ZMYM4: variants seen among roughly 807,000 people sequenced by gnomAD.
The protein encoded by ZMYM4 is zinc finger MYM-type containing 4, also known as zinc finger MYM-type protein 4.
ZMYM4 carries 31 observed loss-of-function variants against 183.2 expected under a neutral mutation model. The observed-to-expected ratio is 0.17, with a 90% CI of 0.13 to 0.23. The LOEUF (loss-of-function observed/expected upper bound fraction) is 0.23, where lower values mean the gene tolerates loss of function less well. ZMYM4 is among the 10% of genes least tolerant of loss of function. The pLI, the probability that ZMYM4 is intolerant of heterozygous loss-of-function variation, is 1.00. For missense variants in ZMYM4, 1,273 were observed against 1,840.3 expected, an observed-to-expected ratio of 0.69 and a Z score of 5.64; for synonymous variants, 592 against 631.2, an observed-to-expected ratio of 0.94 and a Z score of 0.93.
In ZMYM4 at chr1:35,387,297, A is replaced by C. The variant is rs753703314; in HGVS notation, c.2112+19A>C. The C allele has an allele frequency of 6.2e-7, 1 of 1,608,718 alleles. No homozygotes were observed. Among genetic ancestry groups the C allele is most frequent in the Non-Finnish European group, 8.5e-7 (1 of 1,175,608 alleles). ...CTATAAGGTAAAGTATAGCATGTTC[A>C]TGATAAGATTTTGAGTATACGTGGG... On this transcript the variant is annotated intron_variant, in intron 12 of 29. Coordinates refer to ENST00000314607, the MANE Select transcript of ZMYM4 (RefSeq NM_005095.3).
At chr1:35,334,285 C>T (rs1279463714) in intron 2 of ZMYM4, among the ~76,000 whole-genome samples, 5 of 152,118 alleles carry the variant, frequency 3.3e-5, no homozygotes, top group Admixed American at 6.5e-5. Context: ...TGCCACTGCA[C>T]GCCAGCCTGG....
At chr1:35,322,850 C>T (rs181128390) in intron 1 of ZMYM4, among the ~76,000 whole-genome samples, 90 of 151,820 alleles carry the variant, frequency 5.9e-4, no homozygotes, top group African/African-American at 2.0e-3. Flanking sequence ...CCACCATGCC[C>T]GGCTAATTTT....
chr1:35,388,796 A>G, intron 13 of ZMYM4, 114 bp from the exon 14 acceptor site: 1 of 953,128 alleles, frequency 1.0e-6, no homozygotes, highest in African/African-American at 1.7e-5. Context: ...CCAGCCTCCC[A>G]AAGTGTTGGG....
intron 1 of ZMYM4, among the ~76,000 whole-genome samples, chr1:35,278,490 A>C (rs1257604593): frequency 6.7e-6 from 1 of 149,872 alleles, no homozygotes; most frequent in Non-Finnish European, 1.5e-5. Flanking sequence ...TAGTGGCAGA[A>C]TCTTGGCTCA....
chr1:35,387,041 A>G lies in ZMYM4; in HGVS notation c.1875A>G (p.Val625=), dbSNP rs775578920. The part of the protein sequence containing the change: ...FNKPTGMNSS[V]VPLSQGQVIV... ...AACCAACTGGAATGAATTCTTCAGTAGTGCCCTTGTCTCAGGGCCAAGTAA... is the reference window on the plus strand; with the variant it reads ...AACCAACTGGAATGAATTCTTCAGTGGTGCCCTTGTCTCAGGGCCAAGTAA... The change falls in exon 12 of 30, where the codon GTA becomes GTG. Residue 625 remains valine, a synonymous_variant. Coordinates refer to ENST00000314607, the MANE Select transcript of ZMYM4 (RefSeq NM_005095.3). 53 of 1,614,096 alleles carry G rather than the reference A, an allele frequency of 3.3e-5. No individual in the cohort carries two copies. Among genetic ancestry groups the G allele is most frequent in the Non-Finnish European group, 4.1e-5 (48 of 1,180,034 alleles).
intron 2 of ZMYM4, among the ~76,000 whole-genome samples, chr1:35,353,086 G>C (rs186142447): frequency 6.6e-6 from 1 of 152,280 alleles, no homozygotes; most frequent in East Asian, 1.9e-4. Flanking sequence ...CTCAGGAAAT[G>C]ACACCCTGTT....
chr1:35,351,126 G>C (rs761687392), intron 2 of ZMYM4: 16 of 971,796 alleles, frequency 1.6e-5, no homozygotes, highest in Non-Finnish European at 2.6e-5. Flanking sequence ...AGGCAATCTT[G>C]GTCAGCCACG....
rs188442872 is a variant in ZMYM4 at position 35,271,631 on chromosome 1, G to T, written c.39+2546G>T. Reference sequence around the variant, plus strand: ...TTGGCCAGGCTGATCTCGAACTCCTGACCTCTGGTGATCAGCACACCTCGG... The same window carrying T: ...TTGGCCAGGCTGATCTCGAACTCCTTACCTCTGGTGATCAGCACACCTCGG... On this transcript the variant is annotated intron_variant, in intron 1 of 29. Coordinates refer to ENST00000314607, the MANE Select transcript of ZMYM4 (RefSeq NM_005095.3). Among the ~76,000 whole-genome samples the T allele has an allele frequency of 9.0e-4, 137 of 152,326 alleles. 1 individual carries two copies. The highest frequency in any genetic ancestry group is 3.2e-3 in the African/African-American group (135 of 41,574).
chr1:35,295,065 G>T (rs1241607270), intron 1 of ZMYM4, among the ~76,000 whole-genome samples: 1 of 152,216 alleles, frequency 6.6e-6, no homozygotes, highest in Non-Finnish European at 1.5e-5. Flanking sequence ...ATACAGTAAT[G>T]AATAAAATGG....
At chr1:35,294,418 A>T (rs1640909082) in intron 1 of ZMYM4, among the ~76,000 whole-genome samples, 1 of 152,188 alleles carries the variant, frequency 6.6e-6, no homozygotes, top group African/African-American at 2.4e-5. Context: ...ATTCTATTTG[A>T]TGATAGATAG....
intron 2 of ZMYM4, among the ~76,000 whole-genome samples, chr1:35,354,515 C>G (rs1558063856): frequency 6.6e-6 from 1 of 152,014 alleles, no homozygotes. Flanking sequence ...CACCTGAGGT[C>G]AGGAGTTTTG....
intron 7 of ZMYM4, among the ~76,000 whole-genome samples, chr1:35,378,392 G>A (rs758464822): frequency 6.6e-5 from 10 of 152,128 alleles, no homozygotes; most frequent in South Asian, 2.1e-4. Context: ...CACTATCTAT[G>A]GCAGCTGTAG....
intron 19 of ZMYM4, chr1:35,396,980 C>A: frequency 1.4e-6 from 1 of 720,118 alleles, no homozygotes; most frequent in Non-Finnish European, 1.7e-6. Flanking sequence ...GAAAAGAGTA[C>A]TGTGATTTAT....
chr1:35,309,149 C>CAT, intron 1 of ZMYM4: 4 of 649,854 alleles, frequency 6.2e-6, no homozygotes, highest in Non-Finnish European at 7.6e-6. Flanking sequence ...AACAAGATGA[C>CAT]TTAACTGTTG....
rs116575011 is a variant in ZMYM4 at position 35,288,218 on chromosome 1, C to T, written c.39+19133C>T. On this transcript the variant is annotated intron_variant, in intron 1 of 29. Coordinates refer to ENST00000314607, the MANE Select transcript of ZMYM4 (RefSeq NM_005095.3). ...ATGTTTTGTCTTTTGACTTTCCTTG[C>T]TTTTACAACTCTTCTTTTCGCACTC... Among the ~76,000 whole-genome samples, 450 of 152,326 alleles carry T rather than the reference C, an allele frequency of 3.0e-3. 2 individuals carry two copies. Among genetic ancestry groups the T allele is most frequent in the African/African-American group, 0.01 (431 of 41,578 alleles).
chr1:35,399,394 A>T (rs1558171318), intron 22 of ZMYM4, 88 bp from the exon 23 acceptor site: 1 of 1,189,518 alleles, frequency 8.4e-7, no homozygotes, highest in East Asian at 2.5e-5. Context: ...TATAGTGATG[A>T]TTACCTGATA....
chr1:35,314,421 G>C (rs970025319), intron 1 of ZMYM4, among the ~76,000 whole-genome samples: 4 of 151,430 alleles, frequency 2.6e-5, no homozygotes, highest in Non-Finnish European at 5.9e-5. Context: ...AGTAGCTGGG[G>C]TTACAGGCAC....
chr1:35,359,086 C>G lies in ZMYM4; in HGVS notation c.247C>G (p.Pro83Ala). Residue 83 changes from proline (P) to alanine (A), a missense_variant, in exon 3 of 30, where the codon CCA (proline) becomes GCA (alanine). Physicochemically the swap from Pro to Ala is conservative, Grantham distance 27. This residue lies in a region of ZMYM4 where 384 missense variants were observed against 465.6 expected (regional missense o/e 0.82). Transcript: ENST00000314607. ...GAACTCTGGGGATCTTGCAGGAATTCCAGTCGTTGGTAGTGACAATGAGGA... is the reference window on the plus strand; with the variant it reads ...GAACTCTGGGGATCTTGCAGGAATTGCAGTCGTTGGTAGTGACAATGAGGA... ...FLNSGDLAGI[P>A]VVGSDNEDEQ... is the part of the protein sequence containing the mutation. 1 of 1,613,660 alleles carries G rather than the reference C, an allele frequency of 6.2e-7. No individual in the cohort carries two copies. Among genetic ancestry groups the G allele is most frequent in the South Asian group, 1.1e-5 (1 of 91,064 alleles).
At position 35,331,221 on chromosome 1, in the gene ZMYM4, C is replaced by A. The variant is rs1165324888; in HGVS notation, c.85+5816C>A. Among the ~76,000 whole-genome samples the A allele has an allele frequency of 4.6e-5, 7 of 152,144 alleles. No individual in the cohort carries two copies. The East Asian group carries it at 1.2e-3, about 25-fold the overall frequency. ...ACTTTCTTTATGAAAATGTTGAAAT[C>A]AAAGCCTAAAAGTCTTCTTTAGGGA... On this transcript the variant is annotated intron_variant, in intron 2 of 29. Transcript: ENST00000314607.
Sources: allele counts gnomAD v4.1 joint callset (sites outside exome capture counted in the v4.1 genomes callset), GRCh38; gene constraint gnomAD v4.1.1; regional missense constraint gnomAD v4.1.1; transcripts MANE v1.5; gene names NCBI Gene and HGNC (gene_info 2026-07-23, HGNC 2026-07-21).